Variants in LOXL2 observed in about 807,000 individuals in gnomAD.
The protein encoded by LOXL2 is lysyl oxidase homolog 2.
In LOXL2, 70 loss-of-function variants were observed where a neutral mutation model predicts 93.0. The observed-to-expected ratio is 0.75, with a 90% CI of 0.62 to 0.92. The LOEUF (loss-of-function observed/expected upper bound fraction) is 0.92, where lower values mean the gene tolerates loss of function less well. LOXL2 is among the 40% of genes least tolerant of loss of function. The pLI is 0.00. For synonymous variants in LOXL2, 438 were observed against 413.2 expected (o/e 1.06, Z -0.73); for missense variants, 973 against 1,054.9 (o/e 0.92, Z 1.08).
At chr8:23,379,352 G>A (rs977367798) in intron 1 of LOXL2, among the ~76,000 whole-genome samples, 2 of 152,222 alleles carry the variant, frequency 1.3e-5, no homozygotes, top group Non-Finnish European at 2.9e-5. Flanking sequence ...CCCTACTGGG[G>A]GGTGCCTCCC....
At chr8:23,329,267 C>T (rs1803636263) in intron 5 of LOXL2, among the ~76,000 whole-genome samples, 1 of 152,160 alleles carries the variant, frequency 6.6e-6, no homozygotes, top group South Asian at 2.1e-4. Context: ...TGCCCAGCCT[C>T]CCTCAATTTG....
chr8:23,298,119 C>T lies in LOXL2; in HGVS notation c.2249G>A (p.Gly750Asp), dbSNP rs1343147304. Residue 750 changes from glycine (G) to aspartate (D), a missense_variant, in exon 14 of 14, where the codon GGT becomes GAT. Physicochemically the swap from Gly to Asp is moderately conservative, Grantham distance 94. Coordinates refer to ENST00000389131, the MANE Select transcript of LOXL2 (RefSeq NM_002318.3). ...RIWMYNCHIG[G>D]SFSEETEKKF... is the part of the protein sequence containing the mutation. ...TTTTTCCGTCTCTTCGCTGAAGGAA[C>T]CACCTGAAGAGCGAGAATCGGGTAG... 5 of 1,612,882 alleles carry T rather than the reference C, an allele frequency of 3.1e-6. No homozygotes were observed. Among genetic ancestry groups the T allele is most frequent in the Non-Finnish European group, 2.5e-6 (3 of 1,179,396 alleles).
chr8:23,315,961 C>A (rs1452289566), intron 9 of LOXL2, among the ~76,000 whole-genome samples: 1 of 152,214 alleles, frequency 6.6e-6, no homozygotes, highest in Non-Finnish European at 1.5e-5. Flanking sequence ...TGCTGGGATG[C>A]TTTCCCCCGG....
intron 1 of LOXL2, among the ~76,000 whole-genome samples, chr8:23,387,076 C>T (rs1221323107): frequency 1.3e-5 from 2 of 152,132 alleles, no homozygotes; most frequent in Non-Finnish European, 2.9e-5. Context: ...AGGCAAGGTG[C>T]CGAAGGACTG....
intron 10 of LOXL2, among the ~76,000 whole-genome samples, chr8:23,304,084 G>A (rs180998283): frequency 3.9e-5 from 6 of 152,342 alleles, no homozygotes; most frequent in African/African-American, 1.4e-4. Context: ...AGACAGCTGG[G>A]AGGCCCTCTG....
At chr8:23,389,057 T>C (rs1285564541) in intron 1 of LOXL2, among the ~76,000 whole-genome samples, 1 of 152,210 alleles carries the variant, frequency 6.6e-6, no homozygotes, top group Non-Finnish European at 1.5e-5. Flanking sequence ...CACTCCAGAA[T>C]CCCTGATTTT....
chr8:23,403,348 C>CT (rs1800176104), intron 1 of LOXL2, among the ~76,000 whole-genome samples: 1 of 152,222 alleles, frequency 6.6e-6, no homozygotes, highest in African/African-American at 2.4e-5. Flanking sequence ...GAGAGCGCCT[C>CT]TGCTCCCGCA....
chr8:23,365,402 G>C (rs1045603885), intron 2 of LOXL2: 2 of 152,160 alleles, frequency 1.3e-5, no homozygotes, highest in Non-Finnish European at 2.9e-5. Flanking sequence ...TAAAGATCTG[G>C]ACTGATGCTG....
intron 1 of LOXL2, among the ~76,000 whole-genome samples, chr8:23,385,271 C>A (rs1271053306): frequency 5.0e-5 from 7 of 140,556 alleles, no homozygotes; most frequent in Non-Finnish European, 1.5e-5. Flanking sequence ...TGAGACAGAG[C>A]TTTTCACTCC....
chr8:23,319,899 T>A lies in LOXL2; in HGVS notation c.1456A>T (p.Ser486Cys). The change falls in exon 8 of 14, where the codon AGC becomes TGC. Residue 486 changes from serine to cysteine, a missense_variant. Physicochemically the swap from Ser to Cys is moderately radical, Grantham distance 112 (BLOSUM62 -1). Coordinates refer to ENST00000389131, the MANE Select transcript of LOXL2 (RefSeq NM_002318.3). The stretch of plus-strand genomic sequence containing the variant: ...GGGCTTCTCACCTGGAAGGCGTTGC[T>A]GGCGAATCCCAGGCCCAGCTGGCGG... ...VCRQLGLGFA[S>C]NAFQETWYWH... 6.2e-7 allele frequency: 1 copy of A among 1,613,730 alleles called. No individual in the cohort carries two copies. The highest frequency in any genetic ancestry group is 8.5e-7 in the Non-Finnish European group (1 of 1,179,908).
chr8:23,398,937 C>G (rs1459778164), intron 1 of LOXL2, among the ~76,000 whole-genome samples: 1 of 152,198 alleles, frequency 6.6e-6, no homozygotes, highest in East Asian at 1.9e-4. Flanking sequence ...CCAAGAGGTG[C>G]TCCCTGCTGA....
intron 8 of LOXL2, among the ~76,000 whole-genome samples, chr8:23,319,647 C>A (rs373245246): frequency 1.3e-5 from 2 of 152,232 alleles, no homozygotes; most frequent in East Asian, 3.9e-4. Context: ...CAGAGCCCAG[C>A]CCCTCGTTCT....
intron 1 of LOXL2, among the ~76,000 whole-genome samples, chr8:23,403,455 C>G (rs1253626469): frequency 6.6e-6 from 1 of 152,092 alleles, no homozygotes; most frequent in Non-Finnish European, 1.5e-5. Context: ...GGGCGCAGCC[C>G]CCGGGGTCCC....
intron 7 of LOXL2, 102 bp from the exon 8 acceptor site, chr8:23,320,154 G>T: frequency 8.0e-7 from 1 of 1,251,624 alleles, no homozygotes; most frequent in Non-Finnish European, 1.1e-6. Context: ...GCCAGGTGGT[G>T]CTGCCCGGGA....
chr8:23,381,316 C>T (rs1024143937), intron 1 of LOXL2, among the ~76,000 whole-genome samples: 2 of 152,052 alleles, frequency 1.3e-5, no homozygotes, highest in Admixed American at 1.3e-4. Flanking sequence ...TGAAACTTGG[C>T]ACAATCTTGG....
intron 4 of LOXL2, 51 bp from the exon 5 acceptor site, chr8:23,333,674 C>T (rs749925778): frequency 3.9e-5 from 57 of 1,453,112 alleles, no homozygotes; most frequent in Non-Finnish European, 4.3e-5. Context: ...ACGCCTACCC[C>T]GATTCCTTCT....
rs377258955 is a variant in LOXL2 at position 23,341,231 on chromosome 8, G to T, written c.532-28C>A. 7.7e-5 allele frequency: 122 copies of T among 1,575,314 alleles called. 1 individual carries two copies. In the Middle Eastern group the frequency reaches 8.7e-4, roughly 11 times the overall value. On this transcript the variant is annotated intron_variant, in intron 3 of 13. Transcript: ENST00000389131. ...GGGAAGAAAGAGGCGTGGAAGGAGAGGGTTACCCTACTGGCCTGGCTGCAG... is the reference window on the plus strand; with the variant it reads ...GGGAAGAAAGAGGCGTGGAAGGAGATGGTTACCCTACTGGCCTGGCTGCAG...
At chr8:23,320,883 G>T (rs1454615660) in intron 7 of LOXL2, among the ~76,000 whole-genome samples, 1 of 138,230 alleles carries the variant, frequency 7.2e-6, no homozygotes, top group Non-Finnish European at 1.6e-5. Flanking sequence ...ACTCCAGCTT[G>T]GGCAACAGAG....
chr8:23,299,214 G>A (rs946896340), intron 12 of LOXL2, among the ~76,000 whole-genome samples: 1 of 152,234 alleles, frequency 6.6e-6, no homozygotes, highest in East Asian at 1.9e-4. Flanking sequence ...TGGGCCTTCG[G>A]AAGGGGGTCA....
Sources: allele counts gnomAD v4.1 joint callset (sites outside exome capture counted in the v4.1 genomes callset), GRCh38; gene constraint gnomAD v4.1.1; transcripts MANE v1.5; gene names NCBI Gene and HGNC (gene_info 2026-07-23, HGNC 2026-07-21).